PTPRO: variants seen among roughly 807,000 people sequenced by gnomAD.
The protein encoded by PTPRO is protein tyrosine phosphatase receptor type O, also known as receptor-type tyrosine-protein phosphatase O.
A neutral mutation model predicts 145.2 loss-of-function variants in PTPRO; 62 were observed. That is an observed-to-expected ratio of 0.43 (90% CI 0.35 to 0.53). The LOEUF is 0.53. Among genes scored for constraint, PTPRO ranks in the 20% least tolerant of loss-of-function variants. The pLI is 0.01. For missense variants in PTPRO, 1,345 were observed against 1,482.7 expected, an observed-to-expected ratio of 0.91 and a Z score of 1.53; for synonymous variants, 565 against 514.7, an observed-to-expected ratio of 1.10 and a Z score of -1.32.
At chr12:15,517,089 C>A in intron 9 of PTPRO, 133 bp downstream of exon 9, 2 of 885,886 alleles carry the variant, frequency 2.3e-6, no homozygotes, top group Non-Finnish European at 1.8e-6. Flanking sequence ...AGTTCATTTT[C>A]ACACTGCTGA....
intron 8 of PTPRO, among the ~76,000 whole-genome samples, chr12:15,516,064 C>T (rs1942576787): frequency 1.5e-5 from 2 of 130,566 alleles, no homozygotes; most frequent in South Asian, 5.1e-4. Context: ...AATCTCAGTT[C>T]CCTGCAACTT....
At chr12:15,430,609 A>G (rs547757685) in intron 1 of PTPRO, among the ~76,000 whole-genome samples, 6 of 152,298 alleles carry the variant, frequency 3.9e-5, no homozygotes, top group Admixed American at 2.0e-4. Flanking sequence ...CCGTCAAAGA[A>G]TACAAAATTT....
At position 15,497,340 on chromosome 12, in the gene PTPRO, G is replaced by T. The variant is rs755573133; in HGVS notation, c.445G>T (p.Val149Phe). 1 of 1,611,440 alleles carries T rather than the reference G, an allele frequency of 6.2e-7. No homozygotes were observed. The highest frequency in any genetic ancestry group is 8.5e-7 in the Non-Finnish European group (1 of 1,177,940). Residue 149 changes from valine (V) to phenylalanine (F), a missense_variant, in exon 3 of 27, where the codon GTT becomes TTT. By Grantham distance (50) the Val-to-Phe change is conservative. Coordinates refer to ENST00000281171, the MANE Select transcript of PTPRO (RefSeq NM_030667.3). ...FEIHYPEKYN[V>F]FTRVNISYWE... ...AATACATTATCCAGAAAAATATAAC[G>T]TTTTCACAAGAGTGAACATTAGCTA...
At chr12:15,361,328 A>G (rs1280658260) in intron 1 of PTPRO, among the ~76,000 whole-genome samples, 1 of 150,498 alleles carries the variant, frequency 6.6e-6, no homozygotes, top group Non-Finnish European at 1.5e-5. Context: ...AATCTCAACT[A>G]CTCGGGAAGC....
chr12:15,531,651 T>A (rs1942965185), intron 12 of PTPRO, among the ~76,000 whole-genome samples: 1 of 152,138 alleles, frequency 6.6e-6, no homozygotes. Context: ...CAATGGAGGA[T>A]GGATTGACAC....
intron 20 of PTPRO, 136 bp from the exon 21 acceptor site, chr12:15,579,903 C>A: frequency 1.4e-6 from 1 of 701,734 alleles, no homozygotes; most frequent in Non-Finnish European, 2.4e-6. Flanking sequence ...TGAAGAATAG[C>A]TAAAATATCA....
chr12:15,416,671 T>C (rs1361111133), intron 1 of PTPRO, among the ~76,000 whole-genome samples: 1 of 151,234 alleles, frequency 6.6e-6, no homozygotes, highest in African/African-American at 2.5e-5. Context: ...AGCCCTCTGT[T>C]AAGAACTGAG....
At chr12:15,440,421 A>C in intron 1 of PTPRO, 1 of 256,592 alleles carries the variant, frequency 3.9e-6, no homozygotes. Context: ...TATACAAGAA[A>C]AATAAAGTGA....
intron 7 of PTPRO, among the ~76,000 whole-genome samples, chr12:15,511,095 A>G (rs1316732503): frequency 2.0e-5 from 3 of 151,932 alleles, no homozygotes; most frequent in Non-Finnish European, 4.4e-5. Flanking sequence ...TTAGCTGAAG[A>G]GGAATAGAAC....
intron 1 of PTPRO, among the ~76,000 whole-genome samples, chr12:15,421,622 C>G (rs1293023819): frequency 6.6e-6 from 1 of 152,004 alleles, no homozygotes; most frequent in African/African-American, 2.4e-5. Flanking sequence ...AAGAAGAAAG[C>G]AAAAATAAAA....
rs875147 is a variant in PTPRO, at chr12:15,413,578, G to T, written c.76-70396G>T. Among the ~76,000 whole-genome samples, 1,220 of 152,292 alleles carry T rather than the reference G, an allele frequency of 8.0e-3. 7 individuals are homozygous for T. Among genetic ancestry groups the T allele is most frequent in the Non-Finnish European group, 0.012 (845 of 68,026 alleles). ...TCCTGTAATCCCAGCACTTCAGGTGGCCAAGGTAGGTGGACCATTTGAAGT... is the reference window on the plus strand; with the variant it reads ...TCCTGTAATCCCAGCACTTCAGGTGTCCAAGGTAGGTGGACCATTTGAAGT... On this transcript the variant is annotated intron_variant, in intron 1 of 26. Coordinates refer to ENST00000281171, the MANE Select transcript of PTPRO (RefSeq NM_030667.3).
intron 1 of PTPRO, among the ~76,000 whole-genome samples, chr12:15,391,282 A>C (rs1441537561): frequency 6.6e-6 from 1 of 152,252 alleles, no homozygotes; most frequent in Non-Finnish European, 1.5e-5. Flanking sequence ...GTTTAGTACC[A>C]GTTATTATTG....
intron 1 of PTPRO, among the ~76,000 whole-genome samples, chr12:15,406,852 G>A (rs1175887154): frequency 2.0e-5 from 3 of 152,100 alleles, no homozygotes; most frequent in East Asian, 1.9e-4. Context: ...ACAACAATAC[G>A]AGAACAATTT....
At chr12:15,413,035 C>T (rs1165523899) in intron 1 of PTPRO, among the ~76,000 whole-genome samples, 1 of 152,136 alleles carries the variant, frequency 6.6e-6, no homozygotes, top group Admixed American at 6.5e-5. Flanking sequence ...TGAGGTGATC[C>T]ACCCGCCTCA....
chr12:15,514,474 G>GAAGAAAGAACAGT (rs1555171717), intron 7 of PTPRO, among the ~76,000 whole-genome samples: 1 of 129,166 alleles, frequency 7.7e-6, no homozygotes, highest in African/African-American at 2.9e-5. Flanking sequence ...AAAAAAAAAA[G>GAAGAAAGAACAGT]AAAGAACAGT....
intron 1 of PTPRO, among the ~76,000 whole-genome samples, chr12:15,470,645 A>G (rs1941517801): frequency 6.6e-6 from 1 of 152,200 alleles, no homozygotes; most frequent in African/African-American, 2.4e-5. Context: ...GCATTATTAT[A>G]TATATTGAAC....
intron 1 of PTPRO, among the ~76,000 whole-genome samples, chr12:15,395,901 T>A (rs1158238924): frequency 6.6e-6 from 1 of 152,108 alleles, no homozygotes; most frequent in Non-Finnish European, 1.5e-5. Flanking sequence ...AAAGATTGAT[T>A]AAGCAATGAA....
chr12:15,326,328 C>A (rs1866446205), intron 1 of PTPRO, among the ~76,000 whole-genome samples: 1 of 152,096 alleles, frequency 6.6e-6, no homozygotes, highest in Non-Finnish European at 1.5e-5. Flanking sequence ...TTGGAGAAAC[C>A]TTTTTACATG....
At chr12:15,388,214 G>A (rs909819984) in intron 1 of PTPRO, among the ~76,000 whole-genome samples, 4 of 151,860 alleles carry the variant, frequency 2.6e-5, no homozygotes, top group Non-Finnish European at 4.4e-5. Context: ...CATCGTGTTA[G>A]AATATAACAT....
Sources: gnomAD v4.1 joint callset for allele counts (sites outside exome capture counted in the v4.1 genomes callset) on GRCh38, gnomAD v4.1.1 for gene constraint, MANE v1.5 for transcripts, NCBI Gene and HGNC (gene_info 2026-07-23, HGNC 2026-07-21) for gene names.